Variants in TPH2 observed in about 807,000 individuals in gnomAD.
TPH2 encodes tryptophan hydroxylase 2.
Under a neutral mutation model 59.1 loss-of-function variants are expected in TPH2, and 27 were observed. That is an observed-to-expected ratio of 0.46 (90% CI 0.34 to 0.63). The LOEUF is 0.63. Among genes scored for constraint, TPH2 ranks in the 30% least tolerant of loss-of-function variants. The pLI is 0.01. For synonymous variants in TPH2, 220 were observed against 210.5 expected (o/e 1.05, Z -0.39); for missense variants, 523 against 588.3 (o/e 0.89, Z 1.15).
intron 7 of TPH2, among the ~76,000 whole-genome samples, chr12:71,982,015 ATTTTT>A (rs781612841): frequency 1.5e-4 from 9 of 60,492 alleles, no homozygotes; most frequent in Non-Finnish European, 2.0e-4. Context: ...TATCATTCGT[ATTTTT>A]TTTTTTTTTT....
intron 4 of TPH2, among the ~76,000 whole-genome samples, chr12:71,945,940 A>G (rs1871186666): frequency 6.6e-6 from 1 of 152,232 alleles, no homozygotes; most frequent in Non-Finnish European, 1.5e-5. Flanking sequence ...GCTTCTGAAC[A>G]TTAGAAAAAC....
intron 5 of TPH2, among the ~76,000 whole-genome samples, chr12:71,954,177 G>A (rs1260961896): frequency 6.6e-6 from 1 of 152,132 alleles, no homozygotes; most frequent in Non-Finnish European, 1.5e-5. Flanking sequence ...GAGAGGGGGC[G>A]GGAAAGCGCC....
At chr12:71,951,162 A>AC (rs1270229329) in intron 5 of TPH2, among the ~76,000 whole-genome samples, 3 of 151,198 alleles carry the variant, frequency 2.0e-5, no homozygotes, top group Non-Finnish European at 4.4e-5. Context: ...CCTCAGTACC[A>AC]CCCCCGCTAG....
At chr12:71,944,222 T>C (rs1471718525) in intron 2 of TPH2, 72 bp from the exon 3 acceptor site, 3 of 1,547,442 alleles carry the variant, frequency 1.9e-6, no homozygotes, top group Non-Finnish European at 2.7e-6. Context: ...GCTTAAGATG[T>C]GAACAAGAAA....
chr12:72,020,050 G>T (rs1873367951), intron 8 of TPH2, among the ~76,000 whole-genome samples: 1 of 152,290 alleles, frequency 6.6e-6, no homozygotes, highest in East Asian at 1.9e-4. Flanking sequence ...TTAGGCTCTT[G>T]TTATCTTTCA....
intron 4 of TPH2, among the ~76,000 whole-genome samples, chr12:71,946,088 C>A (rs1315176442): frequency 6.6e-6 from 1 of 152,126 alleles, no homozygotes. Context: ...TGTTAACTTG[C>A]AGAATGACCT....
Position 71,994,481 on chromosome 12 carries a change from G to C in TPH2, c.984G>C (p.Ala328=), listed in dbSNP as rs766153353. The C allele has an allele frequency of 1.8e-5, 29 of 1,613,820 alleles. No individual in the cohort carries two copies. In the African/African-American group the frequency reaches 2.1e-4, roughly 12 times the overall value. Residue 328 remains alanine (A), a synonymous_variant, in exon 8 of 11, where the codon GCG becomes GCC. Transcript: ENST00000333850. ...HELLGHVPLL[A]DPKFAQFSQE... Reference sequence around the variant, plus strand: ...TCTTGGGACATGTTCCACTACTTGCGGATCCTAAGTTTGCTCAGTTTTCAC... The same window carrying C: ...TCTTGGGACATGTTCCACTACTTGCCGATCCTAAGTTTGCTCAGTTTTCAC...
At chr12:71,992,278 T>C (rs1247853352) in intron 7 of TPH2, among the ~76,000 whole-genome samples, 1 of 151,984 alleles carries the variant, frequency 6.6e-6, no homozygotes, top group Non-Finnish European at 1.5e-5. Flanking sequence ...TTCAAAAAAT[T>C]TGATTTCAAA....
intron 8 of TPH2, among the ~76,000 whole-genome samples, chr12:72,021,650 G>A (rs982985339): frequency 2.0e-5 from 3 of 152,186 alleles, no homozygotes; most frequent in African/African-American, 7.2e-5. Flanking sequence ...TGTTCAGCAG[G>A]TTAGATGTAT....
intron 8 of TPH2, among the ~76,000 whole-genome samples, chr12:72,021,583 C>T (rs1873420688): frequency 1.3e-5 from 2 of 152,030 alleles, no homozygotes; most frequent in African/African-American, 2.4e-5. Context: ...TTTTGCTCAA[C>T]TGTAGACTAA....
intron 8 of TPH2, among the ~76,000 whole-genome samples, chr12:72,017,672 G>C (rs1472656155): frequency 6.6e-6 from 1 of 151,730 alleles, no homozygotes; most frequent in Non-Finnish European, 1.5e-5. Context: ...TTATTTTTTT[G>C]TTTTCTTGAT....
rs932666415 is a variant in TPH2, at chr12:72,025,243, T to A, written c.1164+2749T>A. On this transcript the variant is annotated intron_variant, in intron 9 of 10. Transcript: ENST00000333850. ...GTAAAATATTTTATGCTGTTCCAAC[T>A]GCAGCCCAAATGTAAGTCCCAGCTA... 5.3e-5 allele frequency among the ~76,000 whole-genome samples: 8 copies of A among 152,202 alleles called. No individual in the cohort carries two copies. The East Asian group carries it at 1.3e-3, about 26-fold the overall frequency.
chr12:71,990,229 G>A (rs889792395), intron 7 of TPH2, among the ~76,000 whole-genome samples: 2 of 152,096 alleles, frequency 1.3e-5, no homozygotes, highest in Non-Finnish European at 2.9e-5. Context: ...AACTCACATC[G>A]GGAACCTGTT....
intron 7 of TPH2, among the ~76,000 whole-genome samples, chr12:71,989,949 G>GT (rs10716615): frequency 2.1e-3 from 57 of 27,010 alleles, no homozygotes; most frequent in East Asian, 4.3e-3. Context: ...TCAGCTCTTG[G>GT]TTTTTTTTTT....
chr12:71,953,273 G>A (rs770835168), intron 5 of TPH2, among the ~76,000 whole-genome samples: 2 of 152,004 alleles, frequency 1.3e-5, no homozygotes, highest in African/African-American at 4.8e-5. Context: ...AGGAAAGCAC[G>A]AACCCAGGAC....
chr12:71,957,653 G>A (rs753651678), intron 5 of TPH2, among the ~76,000 whole-genome samples: 2 of 152,140 alleles, frequency 1.3e-5, no homozygotes, highest in East Asian at 1.9e-4. Flanking sequence ...ATCTTAAGGA[G>A]TAATTGAATT....
At chr12:72,007,600 T>G (rs1320888022) in intron 8 of TPH2, among the ~76,000 whole-genome samples, 1 of 152,134 alleles carries the variant, frequency 6.6e-6, no homozygotes, top group African/African-American at 2.4e-5. Flanking sequence ...TTTTGATGTG[T>G]TTTGGATATC....
intron 8 of TPH2, among the ~76,000 whole-genome samples, chr12:72,002,126 C>T (rs936653540): frequency 6.6e-6 from 1 of 152,156 alleles, no homozygotes; most frequent in Non-Finnish European, 1.5e-5. Context: ...TTTAATCATG[C>T]ATGTCACATA....
At chr12:71,985,441 C>T (rs913515240) in intron 7 of TPH2, among the ~76,000 whole-genome samples, 2 of 152,072 alleles carry the variant, frequency 1.3e-5, no homozygotes, top group African/African-American at 4.8e-5. Context: ...CTCTGTTGCC[C>T]GGGCTGGAGG....
Sources: gnomAD v4.1 joint callset for allele counts (sites outside exome capture counted in the v4.1 genomes callset) on GRCh38, gnomAD v4.1.1 for gene constraint, MANE v1.5 for transcripts, NCBI Gene and HGNC (gene_info 2026-07-23, HGNC 2026-07-21) for gene names.